PLPPR4: variants seen among roughly 807,000 people sequenced by gnomAD.
The protein encoded by PLPPR4 is phospholipid phosphatase-related protein type 4.
Under a neutral mutation model 56.6 loss-of-function variants are expected in PLPPR4, and 24 were observed. That is an observed-to-expected ratio of 0.42 (90% CI 0.31 to 0.60). The LOEUF is 0.60. Among genes scored for constraint, PLPPR4 ranks in the 20% least tolerant of loss-of-function variants. PLPPR4 has a pLI of 0.13. For synonymous variants in PLPPR4, 326 were observed against 328.1 expected (o/e 0.99, Z 0.07); for missense variants, 654 against 885.8 (o/e 0.74, Z 3.32).
intron 1 of PLPPR4, among the ~76,000 whole-genome samples, chr1:99,280,529 G>C (rs1353023931): frequency 6.6e-6 from 1 of 152,096 alleles, no homozygotes; most frequent in Non-Finnish European, 1.5e-5. Context: ...AATTGCAAAG[G>C]TTTCACTCTT....
chr1:99,264,602 G>T lies in PLPPR4; in HGVS notation c.9G>T (p.Ala3=), dbSNP rs1445880066. The stretch of plus-strand genomic sequence containing the variant: ...CCGGGCAGGCGGCAGGGATGTCGGC[G>T]AAGGAGAGGCCAAAGGGCAAAGTGA... The part of the protein sequence containing the change: MS[A]KERPKGKVIK... The change falls in exon 1 of 7, where the codon GCG becomes GCT. Residue 3 remains alanine, a synonymous_variant. Coordinates refer to ENST00000370185, the MANE Select transcript of PLPPR4 (RefSeq NM_014839.5). The T allele has an allele frequency of 6.4e-7, 1 of 1,550,722 alleles. No individual in the cohort carries two copies. Among genetic ancestry groups the T allele is most frequent in the Admixed American group, 2.0e-5 (1 of 50,992 alleles).
intron 2 of PLPPR4, among the ~76,000 whole-genome samples, chr1:99,290,478 G>A (rs1659587878): frequency 1.3e-5 from 2 of 151,712 alleles, no homozygotes; most frequent in African/African-American, 4.8e-5. Flanking sequence ...AGACCCCAAA[G>A]AGCCAAGGTA....
chr1:99,306,552 T>A lies in PLPPR4; in HGVS notation c.1690T>A (p.Leu564Met). ...CACTGGCTCCATCCGCTATAAAACC[T>A]TGACAGACCATGAGCCCAGTGGGAT... ...SCTGSIRYKTLTDHEPSGIVR... is the reference protein window; with the variant it reads ...SCTGSIRYKTMTDHEPSGIVR... Residue 564 changes from leucine (L) to methionine (M), a missense_variant, in exon 7 of 7, where the codon TTG becomes ATG. Leu to Met is a conservative substitution (Grantham distance 15). Coordinates refer to ENST00000370185, the MANE Select transcript of PLPPR4 (RefSeq NM_014839.5). The surrounding 1 kb of genome is among the most constrained non-coding windows in gnomAD (Gnocchi z 4.0). 3.7e-6 allele frequency: 6 copies of A among 1,614,006 alleles called. No individual in the cohort carries two copies. The highest frequency in any genetic ancestry group is 5.1e-6 in the Non-Finnish European group (6 of 1,180,002).
chr1:99,273,175 G>C (rs1659101054), intron 1 of PLPPR4, among the ~76,000 whole-genome samples: 1 of 152,050 alleles, frequency 6.6e-6, no homozygotes, highest in Non-Finnish European at 1.5e-5. Flanking sequence ...CCAATAATTA[G>C]ACTGAACCAA....
At chr1:99,301,034 A>G (rs1044900961) in intron 5 of PLPPR4, 68 bp downstream of exon 5, 16 of 1,376,046 alleles carry the variant, frequency 1.2e-5, no homozygotes, top group Middle Eastern at 1.8e-4. Flanking sequence ...TGTTGTCTCC[A>G]GGTGACTAAT....
At chr1:99,265,144 GCC>G (rs36036890) in intron 1 of PLPPR4, among the ~76,000 whole-genome samples, 47,816 of 140,722 alleles carry the variant, frequency 0.34, 8,190 homozygotes, top group South Asian at 0.43. Flanking sequence ...TATTGCTCCT[GCC>G]CCCCCCCCCC....
At chr1:99,280,008 T>C (rs889543638) in intron 1 of PLPPR4, among the ~76,000 whole-genome samples, 1 of 152,166 alleles carries the variant, frequency 6.6e-6, no homozygotes, top group African/African-American at 2.4e-5. Context: ...GTTTGGGTGA[T>C]AAAGAATAAG....
At chr1:99,271,094 A>G (rs770231326) in intron 1 of PLPPR4, among the ~76,000 whole-genome samples, 1 of 152,166 alleles carries the variant, frequency 6.6e-6, no homozygotes, top group Non-Finnish European at 1.5e-5. Flanking sequence ...ACTTTTCTCT[A>G]TCAGGAAATA....
Position 99,308,509 on chromosome 1 carries a change from C to G in PLPPR4, c.*1499C>G, listed in dbSNP as rs1163307062. ...CAGTTCTTGGAACTTAGTATTAAACCTTTTTTATGCCATTTCATAAGAATT... is the reference window on the plus strand; with the variant it reads ...CAGTTCTTGGAACTTAGTATTAAACGTTTTTTATGCCATTTCATAAGAATT... On this transcript the variant is annotated 3_prime_UTR_variant, in exon 7 of 7. Transcript: ENST00000370185. The G allele has an allele frequency of 6.6e-6, 1 of 152,368 alleles. No individual in the cohort carries two copies. The highest frequency in any genetic ancestry group is 2.4e-5 in the African/African-American group (1 of 41,350). 9.4% of individuals were successfully genotyped at this position (152,368 alleles called of 1,614,324 possible). A position where few individuals can be genotyped will look rare whatever the true frequency, so the allele number is the denominator to read the frequency against.
At chr1:99,300,822 A>G in intron 4 of PLPPR4, 87 bp from the exon 5 acceptor site, 1 of 1,005,180 alleles carries the variant, frequency 9.9e-7, no homozygotes. Context: ...TTTTAAGTTG[A>G]ACATTTTAAC....
intron 1 of PLPPR4, among the ~76,000 whole-genome samples, chr1:99,275,774 G>A (rs1659169795): frequency 6.6e-6 from 1 of 152,034 alleles, no homozygotes; most frequent in African/African-American, 2.4e-5. Context: ...CTACTTTATG[G>A]GACTACAAAA....
At chr1:99,290,241 T>A (rs1054561973) in intron 2 of PLPPR4, among the ~76,000 whole-genome samples, 13 of 151,842 alleles carry the variant, frequency 8.6e-5, no homozygotes, top group African/African-American at 2.2e-4. Flanking sequence ...ACAAGAGAAG[T>A]GAAAGAGCTC....
rs964568322 is a variant in PLPPR4, at chr1:99,297,599, G to T, written c.394+732G>T. Among the ~76,000 whole-genome samples, 98 of 151,940 alleles carry T rather than the reference G, an allele frequency of 6.4e-4. 3 individuals are homozygous for T. Among genetic ancestry groups the T allele is most frequent in the Non-Finnish European group, 1.0e-4 (7 of 67,982 alleles). On this transcript the variant is annotated intron_variant, in intron 3 of 6. Transcript: ENST00000370185. ...AGTCCGCATAAAGTTATTTTTACCTGTAACATGTAAGCTCAAAATAATTGA... is the reference window on the plus strand; with the variant it reads ...AGTCCGCATAAAGTTATTTTTACCTTTAACATGTAAGCTCAAAATAATTGA...
intron 1 of PLPPR4, among the ~76,000 whole-genome samples, chr1:99,268,284 G>A (rs531779104): frequency 4.9e-4 from 74 of 152,378 alleles, no homozygotes; most frequent in African/African-American, 1.8e-3. Context: ...AGCACAAAGA[G>A]TTGGAGGACA....
At chr1:99,269,004 G>A (rs1658981000) in intron 1 of PLPPR4, among the ~76,000 whole-genome samples, 1 of 152,122 alleles carries the variant, frequency 6.6e-6, no homozygotes, top group Admixed American at 6.5e-5. Flanking sequence ...GTATACACGT[G>A]CCATGGTGGT....
intron 2 of PLPPR4, among the ~76,000 whole-genome samples, chr1:99,289,908 TC>T (rs1659572488): frequency 6.6e-6 from 1 of 152,186 alleles, no homozygotes; most frequent in East Asian, 1.9e-4. Context: ...CTCTCACCAC[TC>T]CTATTCAACC....
Position 99,296,790 on chromosome 1 carries a change from G to T in PLPPR4, c.317G>T (p.Gly106Val). 6.2e-7 allele frequency: 1 copy of T among 1,605,916 alleles called. No homozygotes were observed. The highest frequency in any genetic ancestry group is 8.5e-7 in the Non-Finnish European group (1 of 1,174,468). ...TGTTGCCTCTCCAAAAGAAGAAATG[G>T]GGTCGGACTAGAGCCCAACATTAAT... ...LYCCLSKRRN[G>V]VGLEPNINAG... is the part of the protein sequence containing the mutation. The change falls in exon 3 of 7, where the codon GGG (glycine) becomes GTG (valine). Residue 106 changes from glycine to valine, a missense_variant. Gly to Val is a moderately radical substitution (Grantham distance 109). Transcript: ENST00000370185.
In PLPPR4 at chr1:99,288,085, C is replaced by T. The variant is rs1659516100; in HGVS notation, c.199C>T (p.Pro67Ser). The change falls in exon 2 of 7, where the codon CCA (proline) becomes TCA (serine). Residue 67 changes from proline (P) to serine (S), a missense_variant. Coordinates refer to ENST00000370185, the MANE Select transcript of PLPPR4 (RefSeq NM_014839.5). Reference protein sequence around the residue: ...DRSLSMPYIEPTQEAIPFLML... With the variant: ...DRSLSMPYIESTQEAIPFLML... ...GAGTCTTAGCATGCCGTACATTGAA[C>T]CAACCCAGGAGGCAATTCCATTCCT... The T allele has an allele frequency of 1.2e-6, 2 of 1,613,924 alleles. No individual in the cohort carries two copies. The highest frequency in any genetic ancestry group is 1.7e-6 in the Non-Finnish European group (2 of 1,179,898).
rs80167561 is a variant in PLPPR4 at position 99,288,851 on chromosome 1, G to T, written c.264+701G>T. On this transcript the variant is annotated intron_variant, in intron 2 of 6. Coordinates refer to ENST00000370185, the MANE Select transcript of PLPPR4 (RefSeq NM_014839.5). ...TTGATATGATCTTTACATGTTATAT[G>T]AATGTATCAAATTATCAGCTATACC... is the stretch of plus-strand genomic sequence containing the variant. Among the ~76,000 whole-genome samples, 901 of 152,136 alleles carry T rather than the reference G, an allele frequency of 5.9e-3. 5 individuals carry two copies. The highest frequency in any genetic ancestry group is 0.015 in the South Asian group (72 of 4,816).
Sources: allele counts gnomAD v4.1 joint callset (sites outside exome capture counted in the v4.1 genomes callset), GRCh38; gene constraint gnomAD v4.1.1; non-coding constraint Gnocchi (gnomAD v3.1); transcripts MANE v1.5; gene names NCBI Gene and HGNC (gene_info 2026-07-23, HGNC 2026-07-21).